ERBB4: variants seen among roughly 807,000 people sequenced by gnomAD.
ERBB4 encodes erb-b2 receptor tyrosine kinase 4.
In ERBB4, 42 loss-of-function variants were observed where a neutral mutation model predicts 158.0. That is an observed-to-expected ratio of 0.27 (90% CI 0.21 to 0.34). The LOEUF is 0.34. Ranked by LOEUF, ERBB4 falls within the 10% of genes least tolerant of loss-of-function variation. ERBB4 has a pLI of 1.00. For missense variants in ERBB4, 1,333 were observed against 1,624.1 expected, an observed-to-expected ratio of 0.82 and a Z score of 3.08; for synonymous variants, 583 against 558.7, an observed-to-expected ratio of 1.04 and a Z score of -0.61.
chr2:211,541,233 AT>A, intron 20 of ERBB4, among the ~76,000 whole-genome samples: 1 of 151,966 alleles, frequency 6.6e-6, no homozygotes, highest in Non-Finnish European at 1.5e-5. Context: ...GCTATAAAAT[AT>A]TTAGGCTCTG....
At position 211,377,284 on chromosome 2, in the gene ERBB4, C is replaced by T. The variant is rs1031509918; in HGVS notation, c.*6331G>A. ...GCTTTCCTTCACAAAGGCTATAGGCCTGGGGGAAATATCTACGCATTGGGG... is the reference window on the plus strand; with the variant it reads ...GCTTTCCTTCACAAAGGCTATAGGCTTGGGGGAAATATCTACGCATTGGGG... On this transcript the variant is annotated 3_prime_UTR_variant, in exon 28 of 28. Coordinates refer to ENST00000342788, the MANE Select transcript of ERBB4 (RefSeq NM_005235.3). The T allele has an allele frequency of 8.6e-6, 2 of 232,996 alleles. No individual in the cohort carries two copies. Among genetic ancestry groups the T allele is most frequent in the Admixed American group, 5.6e-5 (1 of 17,740 alleles). 14.4% of individuals were successfully genotyped at this position (232,996 alleles called of 1,614,324 possible). A position where few individuals can be genotyped will look rare whatever the true frequency, so the allele number is the denominator to read the frequency against.
intron 3 of ERBB4, among the ~76,000 whole-genome samples, chr2:211,851,460 G>A (rs1285890362): frequency 6.6e-6 from 1 of 151,830 alleles, no homozygotes; most frequent in African/African-American, 2.4e-5. Context: ...AAATGTTGTG[G>A]CCCAATTATC....
intron 3 of ERBB4, among the ~76,000 whole-genome samples, chr2:211,834,202 G>A (rs186180810): frequency 6.6e-6 from 1 of 152,056 alleles, no homozygotes; most frequent in African/African-American, 2.4e-5. Context: ...CTAGTTGAAA[G>A]GAAAATGCAA....
chr2:211,973,363 G>A (rs1356257102), intron 2 of ERBB4, among the ~76,000 whole-genome samples: 8 of 151,914 alleles, frequency 5.3e-5, no homozygotes, highest in Admixed American at 1.3e-4. Context: ...CACCACACCT[G>A]GCTAATTTTT....
chr2:212,467,203 C>T (rs1688882107), intron 1 of ERBB4, among the ~76,000 whole-genome samples: 1 of 152,154 alleles, frequency 6.6e-6, no homozygotes, highest in South Asian at 2.1e-4. Context: ...AAGAAAATCC[C>T]ATATTCTGAA....
rs1231045506 is a variant in ERBB4 at position 212,087,920 on chromosome 2, CTTA to C, written c.234+36829_234+36831del. Among the ~76,000 whole-genome samples, 12 of 42,198 alleles carry C rather than the reference CTTA, an allele frequency of 2.8e-4. No homozygotes were observed. The East Asian group carries it at 0.058, about 203-fold the overall frequency. The allele number at this position is 42,198 out of a possible 152,430, so 27.7% of individuals were successfully genotyped here. A position where few individuals can be genotyped will look rare whatever the true frequency, so the allele number is the denominator to read the frequency against. On this transcript the variant is annotated intron_variant, in intron 2 of 27. Coordinates refer to ENST00000342788, the MANE Select transcript of ERBB4 (RefSeq NM_005235.3). Reference sequence around the variant, plus strand: ...CTGTTAAAAAGGAATAATAATAACACTTACTTCATAGAACTGTTGTGAGAGTCA... The same window carrying C: ...CTGTTAAAAAGGAATAATAATAACACCTTCATAGAACTGTTGTGAGAGTCA...
At chr2:211,556,943 C>T (rs1474610994) in intron 20 of ERBB4, among the ~76,000 whole-genome samples, 2 of 152,026 alleles carry the variant, frequency 1.3e-5, no homozygotes, top group Non-Finnish European at 2.9e-5. Context: ...AGAAAGAACC[C>T]AGAAATAAGG....
At position 212,041,852 on chromosome 2, in the gene ERBB4, C is replaced by T. The variant is rs115014507; in HGVS notation, c.234+82900G>A. 7.5e-3 allele frequency among the ~76,000 whole-genome samples: 1,138 copies of T among 152,208 alleles called. 23 individuals carry two copies. The highest frequency in any genetic ancestry group is 0.026 in the African/African-American group (1,070 of 41,556). On this transcript the variant is annotated intron_variant, in intron 2 of 27. Transcript: ENST00000342788. The stretch of plus-strand genomic sequence containing the variant: ...CGATGAAGCATTATAATTACTCTAA[C>T]AGCTCCACTCTTACTTATAATTACT...
At chr2:212,060,872 A>C (rs1344241931) in intron 2 of ERBB4, among the ~76,000 whole-genome samples, 1 of 151,232 alleles carries the variant, frequency 6.6e-6, no homozygotes, top group Non-Finnish European at 1.5e-5. Flanking sequence ...TGAGGAGTTA[A>C]AGAGTGCAGC....
At chr2:211,593,927 C>T (rs1026619026) in intron 19 of ERBB4, among the ~76,000 whole-genome samples, 16 of 152,108 alleles carry the variant, frequency 1.1e-4, no homozygotes, top group African/African-American at 3.1e-4. Context: ...TTTGATGGGT[C>T]GTTCCAGCAC....
intron 20 of ERBB4, among the ~76,000 whole-genome samples, chr2:211,500,197 A>T (rs1466979600): frequency 6.6e-6 from 1 of 152,156 alleles, no homozygotes; most frequent in Non-Finnish European, 1.5e-5. Context: ...TGTATTCATC[A>T]TTTTGTTCTA....
intron 1 of ERBB4, among the ~76,000 whole-genome samples, chr2:212,422,437 G>A (rs1431089171): frequency 1.3e-5 from 2 of 152,028 alleles, no homozygotes; most frequent in Non-Finnish European, 2.9e-5. Flanking sequence ...GGCAGAGGTT[G>A]CAGCGAGCTG....
intron 12 of ERBB4, among the ~76,000 whole-genome samples, chr2:211,700,641 T>C (rs1422718141): frequency 6.6e-6 from 1 of 152,156 alleles, no homozygotes; most frequent in African/African-American, 2.4e-5. Context: ...CACTGACAAC[T>C]CAATAAACAA....
intron 2 of ERBB4, among the ~76,000 whole-genome samples, chr2:211,991,101 C>T (rs1054361720): frequency 6.6e-6 from 1 of 151,932 alleles, no homozygotes; most frequent in Non-Finnish European, 1.5e-5. Flanking sequence ...CTATAGCTGA[C>T]ATAGTAGGGC....
intron 9 of ERBB4, among the ~76,000 whole-genome samples, chr2:211,711,594 G>T (rs1278871018): frequency 1.3e-5 from 2 of 152,224 alleles, no homozygotes; most frequent in South Asian, 4.1e-4. Flanking sequence ...TCAGGACAAA[G>T]AATTTCTGGA....
At chr2:212,057,285 C>G (rs1298320993) in intron 2 of ERBB4, among the ~76,000 whole-genome samples, 1 of 152,140 alleles carries the variant, frequency 6.6e-6, no homozygotes, top group Non-Finnish European at 1.5e-5. Flanking sequence ...TAAAGCAAGT[C>G]CTTACAGACC....
chr2:211,809,639 A>G (rs1278521384), intron 3 of ERBB4, among the ~76,000 whole-genome samples: 1 of 152,166 alleles, frequency 6.6e-6, no homozygotes, highest in Non-Finnish European at 1.5e-5. Flanking sequence ...TCCAAAAACC[A>G]GGTCCTGGAT....
chr2:212,538,612 C>G lies in ERBB4; in HGVS notation c.-82G>C. The G allele has an allele frequency of 4.2e-6, 6 of 1,435,656 alleles. No homozygotes were observed. The highest frequency in any genetic ancestry group is 5.9e-6 in the Non-Finnish European group (6 of 1,020,338). 88.9% of individuals were successfully genotyped at this position (1,435,656 alleles called of 1,614,324 possible). ...CTTTCGGGCACGCGGAGGAGATCCC[C>G]CAGCCGGGCGCGCGTGGGGGTGCGA... On this transcript the variant is annotated 5_prime_UTR_variant, in exon 1 of 28. Transcript: ENST00000342788.
chr2:211,523,884 T>G (rs2066260396), intron 20 of ERBB4, among the ~76,000 whole-genome samples: 1 of 152,020 alleles, frequency 6.6e-6, no homozygotes, highest in Non-Finnish European at 1.5e-5. Context: ...TAGAGCCGAG[T>G]GGTCTGTTTT....
Sources: allele counts gnomAD v4.1 joint callset (sites outside exome capture counted in the v4.1 genomes callset), GRCh38; gene constraint gnomAD v4.1.1; transcripts MANE v1.5; gene names NCBI Gene and HGNC (gene_info 2026-07-23, HGNC 2026-07-21).